EVL: variants seen among roughly 807,000 people sequenced by gnomAD.
EVL encodes the protein ena/VASP-like protein.
EVL carries 21 observed loss-of-function variants against 59.6 expected under a neutral mutation model. That is an observed-to-expected ratio of 0.35 (90% CI 0.25 to 0.51). The LOEUF is 0.51. Ranked by LOEUF, EVL falls within the 20% of genes least tolerant of loss-of-function variation. The pLI is 0.97. For missense variants in EVL, 462 were observed against 546.6 expected (o/e 0.85, Z 1.54); for synonymous variants, 198 against 203.5 (o/e 0.97, Z 0.23).
intron 1 of EVL, among the ~76,000 whole-genome samples, chr14:100,030,487 A>T (rs557872359): frequency 6.6e-6 from 1 of 152,270 alleles, no homozygotes; most frequent in African/African-American, 2.4e-5. Context: ...ATAGACACTT[A>T]TCCTGGATTA....
At chr14:99,996,798 C>T (rs2060917035) in intron 1 of EVL, among the ~76,000 whole-genome samples, 1 of 152,122 alleles carries the variant, frequency 6.6e-6, no homozygotes, top group Non-Finnish European at 1.5e-5. Flanking sequence ...ACTATAGGCA[C>T]ATGCCACCGT....
intron 1 of EVL, among the ~76,000 whole-genome samples, chr14:100,009,622 T>C (rs1008139286): frequency 6.6e-6 from 1 of 152,252 alleles, no homozygotes; most frequent in Non-Finnish European, 1.5e-5. Flanking sequence ...ATTAGATTTC[T>C]TTTTTGACTT....
intron 1 of EVL, among the ~76,000 whole-genome samples, chr14:100,046,085 C>T (rs911167580): frequency 6.6e-6 from 1 of 152,170 alleles, no homozygotes; most frequent in Non-Finnish European, 1.5e-5. Flanking sequence ...ATTCCTTTCT[C>T]TGTAAAGGCC....
chr14:100,102,946 A>G lies in EVL; in HGVS notation c.358+5288A>G, dbSNP rs147293326. 3.3e-3 allele frequency among the ~76,000 whole-genome samples: 501 copies of G among 152,272 alleles called. 16 individuals are homozygous for G. The highest frequency in any genetic ancestry group is 0.027 in the Admixed American group (416 of 15,294). On this transcript the variant is annotated intron_variant, in intron 3 of 13. Transcript: ENST00000392920. ...CTCTGTCTCTACTAAAAGAAAAAAT[A>G]CAAAAATTAGCTGGGCTTGGTGGCG...
intron 1 of EVL, among the ~76,000 whole-genome samples, chr14:100,054,201 C>T (rs908385801): frequency 4.6e-5 from 7 of 151,778 alleles, no homozygotes; most frequent in African/African-American, 1.2e-4. Context: ...ATTATAGGCA[C>T]GCGCCACCAC....
chr14:100,014,970 C>T (rs1317305311), intron 1 of EVL, among the ~76,000 whole-genome samples: 2 of 152,230 alleles, frequency 1.3e-5, no homozygotes, highest in Non-Finnish European at 2.9e-5. Flanking sequence ...TCTGTTTCAT[C>T]TCCACACAGC....
intron 3 of EVL, among the ~76,000 whole-genome samples, chr14:100,101,109 C>G (rs957458731): frequency 6.6e-6 from 1 of 152,190 alleles, no homozygotes; most frequent in Non-Finnish European, 1.5e-5. Context: ...CCTGTAATCC[C>G]AGCACTTTGG....
intron 1 of EVL, among the ~76,000 whole-genome samples, chr14:100,052,579 C>G (rs996158869): frequency 6.6e-6 from 1 of 151,980 alleles, no homozygotes; most frequent in African/African-American, 2.4e-5. Flanking sequence ...TGGTGAAACC[C>G]TGTCTCTACC....
At chr14:99,971,986 G>GT (rs1555409731) in exon 1 of EVL, 2 of 124,378 alleles carry the variant, frequency 1.6e-5, no homozygotes, top group South Asian at 1.9e-4. Context: ...CGCGTCCCGC[G>GT]CCCCGCCGCC....
chr14:100,020,899 G>A (rs1303228629), intron 1 of EVL, among the ~76,000 whole-genome samples: 1 of 152,166 alleles, frequency 6.6e-6, no homozygotes, highest in Non-Finnish European at 1.5e-5. Context: ...TTCTTTTTAT[G>A]TGGCAGTGTG....
At chr14:100,115,466 C>T (rs1311896781) in intron 3 of EVL, among the ~76,000 whole-genome samples, 1 of 152,284 alleles carries the variant, frequency 6.6e-6, no homozygotes, top group Non-Finnish European at 1.5e-5. Flanking sequence ...TAGTGCATGA[C>T]TGCAAGGGCT....
At chr14:100,137,505 G>A in intron 9 of EVL, 73 bp from the exon 10 acceptor site, 1 of 1,496,322 alleles carries the variant, frequency 6.7e-7, no homozygotes, top group Non-Finnish European at 9.3e-7. Context: ...TCCTGTTGGG[G>A]TGTTTAGGGG....
rs1889372925 is a variant in EVL, at chr14:100,144,016, A to G, written c.*278A>G. 2.1e-6 allele frequency: 1 copy of G among 486,322 alleles called. No individual in the cohort carries two copies. Among genetic ancestry groups the G allele is most frequent in the African/African-American group, 2.0e-5 (1 of 50,456 alleles). The allele number at this position is 486,322 out of a possible 1,614,324, so 30.1% of individuals were successfully genotyped here. On this transcript the variant is annotated 3_prime_UTR_variant, in exon 14 of 14. Transcript: ENST00000392920. ...GGTACATTTCTTTGGGTTTCTAGAGACGCCCCTAAGTCACCTGCTTCATTA... is the reference window on the plus strand; with the variant it reads ...GGTACATTTCTTTGGGTTTCTAGAGGCGCCCCTAAGTCACCTGCTTCATTA...
Position 100,100,197 on chromosome 14 carries a change from C to T in EVL, c.358+2539C>T, listed in dbSNP as rs1333129033. ...ATAGTAAGATCCAGAACCCGACCTCCTACATTCCCTGGGGTTGAATGAGTG... is the reference window on the plus strand; with the variant it reads ...ATAGTAAGATCCAGAACCCGACCTCTTACATTCCCTGGGGTTGAATGAGTG... On this transcript the variant is annotated intron_variant, in intron 3 of 13. Coordinates refer to ENST00000392920, the MANE Select transcript of EVL (RefSeq NM_016337.3). Among the ~76,000 whole-genome samples, 3 of 152,054 alleles carry T rather than the reference C, an allele frequency of 2.0e-5. No homozygotes were observed. In the South Asian group the frequency reaches 6.2e-4, roughly 32 times the overall value.
intron 1 of EVL, among the ~76,000 whole-genome samples, chr14:99,995,000 A>G (rs2060903730): frequency 6.6e-6 from 1 of 152,170 alleles, no homozygotes; most frequent in South Asian, 2.1e-4. Context: ...CAAGATTCCT[A>G]CTTAGAAATT....
At position 100,047,113 on chromosome 14, in the gene EVL, TCTCTC is replaced by T. The variant is rs1178038857; in HGVS notation, c.6-37573_6-37569del. Among the ~76,000 whole-genome samples, 14 of 32,128 alleles carry T rather than the reference TCTCTC, an allele frequency of 4.4e-4. 2 individuals are homozygous for T. Among genetic ancestry groups the T allele is most frequent in the South Asian group, 1.3e-3 (2 of 1,562 alleles). 21.1% of individuals were successfully genotyped at this position (32,128 alleles called of 152,430 possible). A position where few individuals can be genotyped will look rare whatever the true frequency, so the allele number is the denominator to read the frequency against. ...TATTTTGAGACCTTGGGCAGATCTC[TCTCTC>T]TTTTTTTTTTTTTTTTTTTTTTTTT... On this transcript the variant is annotated intron_variant, in intron 1 of 13. Transcript: ENST00000402714.
At chr14:99,979,236 A>C (rs1022672378) in intron 1 of EVL, among the ~76,000 whole-genome samples, 3 of 152,048 alleles carry the variant, frequency 2.0e-5, no homozygotes, top group Non-Finnish European at 2.9e-5. Context: ...GTTGCTAAAA[A>C]AAAAACAACA....
rs775813248 is a variant in EVL, at chr14:100,128,715, C to T, written c.684C>T (p.Ala228=). The change falls in exon 6 of 14, where the codon GCC becomes GCT. Residue 228 remains alanine (A), a synonymous_variant. Transcript: ENST00000392920. The part of the protein sequence containing the change: ...DESSMSGLAA[A]IAGAKLRRVQ... The stretch of plus-strand genomic sequence containing the variant: ...GCTCCATGTCAGGACTGGCCGCTGC[C>T]ATAGCTGGGGCCAAGCTGAGAAGAG... The T allele has an allele frequency of 2.5e-6, 4 of 1,607,196 alleles. No homozygotes were observed. The highest frequency in any genetic ancestry group is 3.4e-6 in the Non-Finnish European group (4 of 1,179,464).
At chr14:100,024,050 T>C (rs1267702782) in intron 1 of EVL, among the ~76,000 whole-genome samples, 1 of 152,358 alleles carries the variant, frequency 6.6e-6, no homozygotes, top group East Asian at 1.9e-4. Flanking sequence ...CTTATTCCGA[T>C]TTATTTCCGG....
Sources: allele counts gnomAD v4.1 joint callset (sites outside exome capture counted in the v4.1 genomes callset), GRCh38; gene constraint gnomAD v4.1.1; transcripts MANE v1.5; gene names NCBI Gene and HGNC (gene_info 2026-07-23, HGNC 2026-07-21).